Variants in EIF2B3 observed in about 807,000 individuals in gnomAD.
The protein encoded by EIF2B3 is eukaryotic translation initiation factor 2B subunit gamma.
In EIF2B3, 20 loss-of-function variants were observed where a neutral mutation model predicts 54.1. The ratio of observed to expected loss-of-function variants is 0.37; its 90% CI spans 0.26 to 0.54. EIF2B3 has a LOEUF of 0.54. Ranked by LOEUF, EIF2B3 falls within the 20% of genes least tolerant of loss-of-function variation. The pLI is 0.86. For missense variants in EIF2B3, 448 were observed against 547.8 expected (o/e 0.82, Z 1.82); for synonymous variants, 153 against 188.1 (o/e 0.81, Z 1.52).
chr1:44,906,534 G>A (rs530406444), intron 5 of EIF2B3, among the ~76,000 whole-genome samples: 1 of 152,276 alleles, frequency 6.6e-6, no homozygotes, highest in East Asian at 1.9e-4. Context: ...CCGAGTAGCT[G>A]GGATTACAGG....
At chr1:44,970,717 C>T (rs1362268309) in intron 3 of EIF2B3, among the ~76,000 whole-genome samples, 1 of 152,176 alleles carries the variant, frequency 6.6e-6, no homozygotes, top group Non-Finnish European at 1.5e-5. Context: ...GCCCTTTCTA[C>T]AAGTTTATGT....
chr1:44,912,798 T>G (rs1243444371), intron 5 of EIF2B3, among the ~76,000 whole-genome samples: 1 of 152,224 alleles, frequency 6.6e-6, no homozygotes, highest in Non-Finnish European at 1.5e-5. Flanking sequence ...CCATGCATAA[T>G]TGAATCTTCC....
intron 3 of EIF2B3, among the ~76,000 whole-genome samples, chr1:44,974,173 A>T (rs1344971803): frequency 6.8e-6 from 1 of 146,096 alleles, no homozygotes; most frequent in African/African-American, 2.5e-5. Flanking sequence ...CAATGAGACA[A>T]TTTTTTTTTT....
intron 6 of EIF2B3, among the ~76,000 whole-genome samples, chr1:44,885,820 C>T (rs540574797): frequency 5.9e-5 from 9 of 152,018 alleles, no homozygotes; most frequent in South Asian, 4.1e-4. Context: ...CTGCAACCTC[C>T]GCCTCCCAGG....
chr1:44,881,147 CAGCA>C lies in EIF2B3; in HGVS notation c.784+461_784+464del, dbSNP rs1655386810. ...ACTGGGCCGGGGATTAGGGATATGA[CAGCA>C]AACAAGACAGATCCGATCTTCAGAT... On this transcript the variant is annotated intron_variant, in intron 7 of 11. Transcript: ENST00000360403. This position sits in a 1 kb window ranked among gnomAD's most constrained non-coding sequence, Gnocchi z 4.0. Among the ~76,000 whole-genome samples the C allele has an allele frequency of 6.6e-6, 1 of 152,156 alleles. No individual in the cohort carries two copies.
At chr1:44,875,324 C>T (rs1031987434) in intron 9 of EIF2B3, among the ~76,000 whole-genome samples, 49 of 152,304 alleles carry the variant, frequency 3.2e-4, no homozygotes, top group African/African-American at 1.1e-3. Context: ...GAGTCCCAAG[C>T]CAGAGAGCTT....
chr1:44,945,087 T>C (rs1370058685), intron 3 of EIF2B3, among the ~76,000 whole-genome samples: 2 of 152,158 alleles, frequency 1.3e-5, no homozygotes, highest in Non-Finnish European at 2.9e-5. Flanking sequence ...TTATTCTGAA[T>C]ATAGAATCTG....
chr1:44,958,918 C>A, intron 3 of EIF2B3: 1 of 786,202 alleles, frequency 1.3e-6, no homozygotes, highest in Non-Finnish European at 2.3e-6. Context: ...CTGAAACAGA[C>A]GGAGAAAATA....
chr1:44,862,752 C>G (rs376688182), intron 10 of EIF2B3, among the ~76,000 whole-genome samples: 4 of 152,258 alleles, frequency 2.6e-5, no homozygotes, highest in East Asian at 1.9e-4. Flanking sequence ...CATCTGCCAT[C>G]ATGCCCGGCT....
chr1:44,928,933 G>T (rs1643875397), intron 4 of EIF2B3, among the ~76,000 whole-genome samples: 1 of 152,166 alleles, frequency 6.6e-6, no homozygotes, highest in Non-Finnish European at 1.5e-5. Context: ...GCCTAGGTAT[G>T]AATCCCAGCT....
intron 10 of EIF2B3, chr1:44,862,856 C>G (rs1654655513): frequency 6.6e-6 from 1 of 152,156 alleles, no homozygotes; most frequent in African/African-American, 2.4e-5. Flanking sequence ...CTCAGCCTCC[C>G]AAAGTGTTGG....
At chr1:44,962,194 A>G (rs1177591607) in intron 3 of EIF2B3, among the ~76,000 whole-genome samples, 1 of 123,168 alleles carries the variant, frequency 8.1e-6, no homozygotes, top group Non-Finnish European at 1.7e-5. Context: ...CTCCGTCTCA[A>G]TCATCATCAA....
At chr1:44,984,594 C>T (rs549183451) in intron 1 of EIF2B3, among the ~76,000 whole-genome samples, 2 of 152,124 alleles carry the variant, frequency 1.3e-5, no homozygotes, top group African/African-American at 4.8e-5. Flanking sequence ...TGGTTAGGTT[C>T]ACAGACCATA....
At chr1:44,899,728 GT>G (rs1643235028) in intron 5 of EIF2B3, among the ~76,000 whole-genome samples, 1 of 152,210 alleles carries the variant, frequency 6.6e-6, no homozygotes, top group Admixed American at 6.5e-5. Flanking sequence ...TTTATATACT[GT>G]TGGTGGGAAT....
At chr1:44,939,383 C>T (rs1454768387) in intron 4 of EIF2B3, among the ~76,000 whole-genome samples, 4 of 152,074 alleles carry the variant, frequency 2.6e-5, no homozygotes, top group Admixed American at 1.3e-4. Context: ...GCCAAACTGA[C>T]AATTTAAGCA....
intron 3 of EIF2B3, among the ~76,000 whole-genome samples, chr1:44,976,244 T>A (rs263989): frequency 6.6e-6 from 1 of 151,926 alleles, no homozygotes; most frequent in African/African-American, 2.4e-5. Flanking sequence ...AGAATTCCTA[T>A]AATCAATAAT....
At chr1:44,978,094 G>C (rs28409260) in intron 3 of EIF2B3, among the ~76,000 whole-genome samples, 3 of 152,064 alleles carry the variant, frequency 2.0e-5, no homozygotes, top group African/African-American at 4.8e-5. Flanking sequence ...AGCCAGGCAC[G>C]GTGGCGTATG....
At chr1:44,853,613 A>C (rs1272923047) in intron 11 of EIF2B3, among the ~76,000 whole-genome samples, 2 of 152,186 alleles carry the variant, frequency 1.3e-5, no homozygotes, top group Admixed American at 6.5e-5. Flanking sequence ...TCTCAAAAAA[A>C]CAAAAAACTA....
intron 10 of EIF2B3, among the ~76,000 whole-genome samples, chr1:44,859,763 A>T (rs1172923945): frequency 6.6e-6 from 1 of 152,192 alleles, no homozygotes; most frequent in Non-Finnish European, 1.5e-5. Flanking sequence ...TGTACATTAT[A>T]GGACTGACTT....
Sources: gnomAD v4.1 joint callset for allele counts (sites outside exome capture counted in the v4.1 genomes callset) on GRCh38, gnomAD v4.1.1 for gene constraint, Gnocchi (gnomAD v3.1) non-coding constraint, MANE v1.5 for transcripts, NCBI Gene and HGNC (gene_info 2026-07-23, HGNC 2026-07-21) for gene names.